Variants in ELF5 observed in about 807,000 individuals in gnomAD.
ELF5 encodes the protein E74 like ETS transcription factor 5.
Under a neutral mutation model 38.2 loss-of-function variants are expected in ELF5, and 31 were observed. That is an observed-to-expected ratio of 0.81 (90% CI 0.61 to 1.10). ELF5 has a LOEUF of 1.10. Among genes scored for constraint, ELF5 ranks in the 50% least tolerant of loss-of-function variants. The pLI is 0.00. For synonymous variants in ELF5, 121 were observed against 112.5 expected, an observed-to-expected ratio of 1.08 and a Z score of -0.48; for missense variants, 300 against 306.6, an observed-to-expected ratio of 0.98 and a Z score of 0.16.
Position 34,480,156 on chromosome 11 carries a change from A to C in ELF5, c.*62T>G. ...AGAAAATGAAGCCTTTCGAATGTCT[A>C]TTGCAATCTGATTGTTTTAAAAGAC... On this transcript the variant is annotated 3_prime_UTR_variant, in exon 7 of 7. Transcript: ENST00000257832. 7.3e-7 allele frequency: 1 copy of C among 1,361,962 alleles called. No individual in the cohort carries two copies. The highest frequency in any genetic ancestry group is 1.0e-6 in the Non-Finnish European group (1 of 959,114). The allele number at this position is 1,361,962 out of a possible 1,614,324, so 84.4% of individuals were successfully genotyped here. A position where few individuals can be genotyped will look rare whatever the true frequency, so the allele number is the denominator to read the frequency against.
chr11:34,510,524 A>G (rs1850726098), intron 1 of ELF5, among the ~76,000 whole-genome samples: 1 of 152,290 alleles, frequency 6.6e-6, no homozygotes, highest in African/African-American at 2.4e-5. Flanking sequence ...GTGGAGGTAG[A>G]GCAGGATAGG....
Position 34,493,624 on chromosome 11 carries a change from G to C in ELF5, c.210C>G (p.Tyr70Ter), listed in dbSNP as rs749506182. 3 of 1,614,218 alleles carry C rather than the reference G, an allele frequency of 1.9e-6. No homozygotes were observed. Among genetic ancestry groups the C allele is most frequent in the South Asian group, 2.2e-5 (2 of 91,086 alleles). Residue 70 changes from tyrosine to a stop codon, truncating the protein, a stop_gained, in exon 3 of 7, where the codon TAC becomes TAG. Transcript: ENST00000257832. LOFTEE classifies it high-confidence loss of function. The stretch of plus-strand genomic sequence containing the variant: ...AGGAGATGCAATTGGTGTCCAACTT[G>C]TACTGGTCGCAGCAGAACTGGAGCC... ...WEWLQFCCDQYKLDTNCISFC... is the reference protein window; with the variant it reads ...WEWLQFCCDQ
At chr11:34,484,212 C>T (rs1857009967) in intron 4 of ELF5, among the ~76,000 whole-genome samples, 1 of 149,930 alleles carries the variant, frequency 6.7e-6, no homozygotes. Flanking sequence ...ACTAACTATA[C>T]TGCACTGTAC....
chr11:34,503,380 A>G (rs373836700), intron 2 of ELF5, among the ~76,000 whole-genome samples: 3 of 147,212 alleles, frequency 2.0e-5, no homozygotes, highest in East Asian at 4.1e-4. Flanking sequence ...GGCTGGTCTT[A>G]AACTCCTGAC....
rs1535717 is a variant in ELF5, at chr11:34,479,619, T to C, written c.*599A>G. 0.9 allele frequency: 136,699 copies of C among 151,710 alleles called. 61,754 individuals are homozygous for C. The highest frequency in any genetic ancestry group is 0.97 in the Middle Eastern group (286 of 294). 9.4% of individuals were successfully genotyped at this position (151,710 alleles called of 1,614,324 possible). On this transcript the variant is annotated 3_prime_UTR_variant, in exon 7 of 7. Coordinates refer to ENST00000257832, the MANE Select transcript of ELF5 (RefSeq NM_001422.4). ...TTGTAATCACAGTACTTTGGGAGGC[T>C]GAGGTGGGAGGATCACTTGAGCATA...
intron 6 of ELF5, 139 bp downstream of exon 6, chr11:34,480,633 G>T: frequency 1.1e-6 from 1 of 913,244 alleles, no homozygotes; most frequent in Non-Finnish European, 1.6e-6. Flanking sequence ...AATCCTACCT[G>T]TAACTAAGAA....
At chr11:34,485,412 T>C (rs1849963871) in intron 4 of ELF5, among the ~76,000 whole-genome samples, 1 of 152,252 alleles carries the variant, frequency 6.6e-6, no homozygotes, top group Non-Finnish European at 1.5e-5. Flanking sequence ...TCTGTTGTTT[T>C]GATTTAATCT....
chr11:34,499,421 G>A (rs1850400504), intron 2 of ELF5, among the ~76,000 whole-genome samples: 1 of 151,868 alleles, frequency 6.6e-6, no homozygotes, highest in Admixed American at 6.6e-5. Flanking sequence ...TTTTAATTTT[G>A]TAGGAACAGG....
chr11:34,485,726 G>T (rs1440873802), intron 4 of ELF5, among the ~76,000 whole-genome samples: 1 of 152,148 alleles, frequency 6.6e-6, no homozygotes, highest in Non-Finnish European at 1.5e-5. Context: ...GGTACTCATT[G>T]GTTGACTAGT....
At chr11:34,504,973 G>A (rs1219770183) in intron 2 of ELF5, among the ~76,000 whole-genome samples, 1 of 152,126 alleles carries the variant, frequency 6.6e-6, no homozygotes, top group Non-Finnish European at 1.5e-5. Flanking sequence ...AGTCCTTATA[G>A]TAGCTCTCAT....
At chr11:34,493,375 G>C in intron 3 of ELF5, 104 bp downstream of exon 3, 3 of 1,095,394 alleles carry the variant, frequency 2.7e-6, no homozygotes, top group Non-Finnish European at 4.1e-6. Flanking sequence ...ACTCCAGTTA[G>C]TAAAATTTTG....
At chr11:34,497,859 T>A (rs1277287063) in intron 2 of ELF5, among the ~76,000 whole-genome samples, 1 of 152,248 alleles carries the variant, frequency 6.6e-6, no homozygotes, top group Non-Finnish European at 1.5e-5. Flanking sequence ...TGATGAACAA[T>A]CTGACAGGCT....
intron 4 of ELF5, among the ~76,000 whole-genome samples, chr11:34,484,374 ATACTC>A (rs1198975489): frequency 4.0e-5 from 6 of 151,608 alleles, no homozygotes; most frequent in Non-Finnish European, 5.9e-5. Context: ...TGCACTAACT[ATACTC>A]TACTGTACTA....
At chr11:34,511,523 G>A (rs373416001) in intron 1 of ELF5, 46 of 1,614,116 alleles carry the variant, frequency 2.8e-5, no homozygotes, top group Non-Finnish European at 3.5e-5. Context: ...CTTCACACAT[G>A]AGAAAGTTGG....
chr11:34,479,618 C>CT lies in ELF5; in HGVS notation c.*599dup, dbSNP rs1856880526. 6.6e-6 allele frequency: 1 copy of CT among 151,694 alleles called. No individual in the cohort carries two copies. Among genetic ancestry groups the CT allele is most frequent in the African/African-American group, 2.4e-5 (1 of 41,206 alleles). 9.4% of individuals were successfully genotyped at this position (151,694 alleles called of 1,614,324 possible). On this transcript the variant is annotated 3_prime_UTR_variant, in exon 7 of 7. Coordinates refer to ENST00000257832, the MANE Select transcript of ELF5 (RefSeq NM_001422.4). ...CTTGTAATCACAGTACTTTGGGAGG[C>CT]TGAGGTGGGAGGATCACTTGAGCAT...
intron 3 of ELF5, chr11:34,491,506 A>G (rs1230905932): frequency 1.3e-5 from 2 of 152,070 alleles, no homozygotes; most frequent in Non-Finnish European, 2.9e-5. Context: ...CCTATTAAAA[A>G]GCAGTTGGCT....
intron 4 of ELF5, among the ~76,000 whole-genome samples, chr11:34,489,806 T>C (rs1445469488): frequency 1.3e-5 from 2 of 152,188 alleles, no homozygotes; most frequent in African/African-American, 2.4e-5. Flanking sequence ...AAGCAATCCA[T>C]AGACCCAAGC....
intron 5 of ELF5, among the ~76,000 whole-genome samples, chr11:34,481,892 G>A (rs980452414): frequency 1.3e-5 from 2 of 152,150 alleles, no homozygotes; most frequent in African/African-American, 4.8e-5. Flanking sequence ...ATACCAAGTG[G>A]TTAGAATTAT....
At chr11:34,511,796 A>G in intron 1 of ELF5, 1 of 551,086 alleles carries the variant, frequency 1.8e-6, no homozygotes, top group Middle Eastern at 4.8e-4. Flanking sequence ...CAAACCACTC[A>G]GCCTTGGCCA....
Sources: allele counts gnomAD v4.1 joint callset (sites outside exome capture counted in the v4.1 genomes callset), GRCh38; gene constraint gnomAD v4.1.1; transcripts MANE v1.5; gene names NCBI Gene and HGNC (gene_info 2026-07-23, HGNC 2026-07-21).